LINGO3: variants seen among roughly 807,000 people sequenced by gnomAD.
The protein encoded by LINGO3 is leucine rich repeat and Ig domain containing 3.
For synonymous variants in LINGO3, 427 were observed against 444.2 expected (o/e 0.96, Z 0.49); for missense variants, 750 against 867.7 (o/e 0.86, Z 1.70).
At chr19:2,291,816 T>C in exon 1 of LINGO3, 3 of 1,449,240 alleles carry the variant, frequency 2.1e-6, no homozygotes, top group Non-Finnish European at 1.8e-6. Context: ...ACCATCCTCC[T>C]GCGCACCTGC....
upstream of LINGO3, among the ~76,000 whole-genome samples, chr19:2,293,225 T>C (rs912904237): frequency 2.7e-5 from 4 of 150,786 alleles, no homozygotes; most frequent in African/African-American, 9.8e-5. Context: ...CCACCACGCC[T>C]GGCTAATTTT....
the LINGO3 span, among the ~76,000 whole-genome samples, chr19:2,299,087 A>G: frequency 6.6e-6 from 1 of 152,150 alleles, no homozygotes; most frequent in Non-Finnish European, 1.5e-5. Flanking sequence ...CTCTGGCTCT[A>G]TAATTACTCC....
At chr19:2,291,909 C>T (rs1483146963) in exon 1 of LINGO3, 3 of 757,140 alleles carry the variant, frequency 4.0e-6, no homozygotes, top group Non-Finnish European at 6.6e-6. Flanking sequence ...TAACCCGTCC[C>T]AGCACGGCGG....
the LINGO3 span, among the ~76,000 whole-genome samples, chr19:2,300,021 CTCTTT>C: frequency 1.7e-5 from 2 of 116,294 alleles, no homozygotes; most frequent in Non-Finnish European, 3.9e-5. Flanking sequence ...CATGCCTGGC[CTCTTT>C]TTTTTTTTTT....
chr19:2,289,881 A>C, exon 1 of LINGO3: 3 of 815,444 alleles, frequency 3.7e-6, no homozygotes, highest in Non-Finnish European at 5.7e-6. Flanking sequence ...AAAAAGGGGA[A>C]GTTCTGCCTG....
chr19:2,291,217 G>A (rs1435591067), exon 1 of LINGO3: 1 of 1,610,938 alleles, frequency 6.2e-7, no homozygotes, highest in South Asian at 1.1e-5. Flanking sequence ...GGACAGAGCC[G>A]TGAGGTTGCA....
chr19:2,289,487 G>A (rs118112990), downstream of LINGO3, among the ~76,000 whole-genome samples: 1,726 of 152,232 alleles, frequency 0.011, 23 homozygotes, highest in Non-Finnish European at 0.019. Flanking sequence ...AGGACGGCCA[G>A]GTGTGAGCAA....
rs201895707 is a variant in LINGO3, at chr19:2,291,433, T to G, written c.344A>C (p.Lys115Thr). The G allele has an allele frequency of 3.5e-5, 57 of 1,613,216 alleles. No individual in the cohort carries two copies. The highest frequency in any genetic ancestry group is 2.7e-4 in the African/African-American group (20 of 75,002). ...CGTGAAGACCCCGGGCGGGATGAGC[T>G]TCAGCTGGTTGCCACGGAGACGCAG... The change falls in exon 1 of 1, where the codon AAG (lysine) becomes ACG (threonine). Residue 115 changes from lysine (K) to threonine (T), a missense_variant. Lys to Thr is a moderately conservative substitution (Grantham distance 78, BLOSUM62 -1). Transcript: ENST00000585527.
At chr19:2,303,297 C>T in the LINGO3 span, among the ~76,000 whole-genome samples, 1 of 152,094 alleles carries the variant, frequency 6.6e-6, no homozygotes, top group African/African-American at 2.4e-5. Context: ...ATCGTGCAGC[C>T]CAGCTAATGA....
downstream of LINGO3, among the ~76,000 whole-genome samples, chr19:2,287,860 C>A (rs374391751): frequency 2.6e-5 from 4 of 152,170 alleles, no homozygotes; most frequent in East Asian, 5.8e-4. The surrounding 1 kb of genome is among the most constrained non-coding windows in gnomAD (Gnocchi z 4.5). Context: ...GCCCTTCCCG[C>A]AAAGTCCTGG....
the LINGO3 span, among the ~76,000 whole-genome samples, chr19:2,308,031 G>C: frequency 1.3e-5 from 2 of 151,336 alleles, no homozygotes; most frequent in African/African-American, 4.8e-5. Context: ...GGGGTCCCCA[G>C]GTCTGCGGGC....
At chr19:2,291,393 G>A in exon 1 of LINGO3, 1 of 1,613,516 alleles carries the variant, frequency 6.2e-7, no homozygotes, top group Non-Finnish European at 8.5e-7. Flanking sequence ...CCAGCAGCGT[G>A]AGGTTGTCCA....
At chr19:2,305,782 G>A in the LINGO3 span, among the ~76,000 whole-genome samples, 4 of 152,308 alleles carry the variant, frequency 2.6e-5, no homozygotes, top group South Asian at 8.3e-4. Context: ...AGGGGAGTGT[G>A]CTCTGGATGC....
upstream of LINGO3, among the ~76,000 whole-genome samples, chr19:2,292,874 A>C (rs974900563): frequency 1.3e-5 from 2 of 152,134 alleles, no homozygotes; most frequent in Non-Finnish European, 1.5e-5. Flanking sequence ...TGTAACAGCC[A>C]AACAGTGGAA....
At chr19:2,291,965 T>A (rs769610095) in exon 1 of LINGO3, 1 of 613,940 alleles carries the variant, frequency 1.6e-6, no homozygotes, top group South Asian at 1.5e-5. Flanking sequence ...GATGGAAGAA[T>A]TGCTTGAGTT....
At chr19:2,296,500 T>A (rs896124403), upstream of LINGO3, among the ~76,000 whole-genome samples, 4 of 151,660 alleles carry the variant, frequency 2.6e-5, no homozygotes, top group Non-Finnish European at 5.9e-5. Context: ...TTTTTTTGAG[T>A]TAGGGTCTCA....
chr19:2,293,292 C>T (rs1315504357), upstream of LINGO3, among the ~76,000 whole-genome samples: 1 of 151,682 alleles, frequency 6.6e-6, no homozygotes, highest in Admixed American at 6.6e-5. Flanking sequence ...TCTCGATCTC[C>T]TGACCTCGTG....
In LINGO3 at chr19:2,290,838, G is replaced by A. The variant is rs767224624; in HGVS notation, c.939C>T (p.Ala313=). 6.2e-7 allele frequency: 1 copy of A among 1,611,982 alleles called. No homozygotes were observed. Among genetic ancestry groups the A allele is most frequent in the East Asian group, 2.2e-5 (1 of 44,852 alleles). ...GGCGGATCTGGCGCAGGCCCAGGAA[G>A]GCCTGCGGCTCCACCACAGCCAGCA... Residue 313 remains alanine, a synonymous_variant, in exon 1 of 1, where the codon GCC becomes GCT. Coordinates refer to ENST00000585527, the Ensembl canonical transcript of LINGO3. This position sits in a 1 kb window ranked among gnomAD's most constrained non-coding sequence, Gnocchi z 6.0.
chr19:2,296,386 G>A (rs1025372694), upstream of LINGO3, among the ~76,000 whole-genome samples: 5 of 152,138 alleles, frequency 3.3e-5, no homozygotes, highest in Non-Finnish European at 5.9e-5. Context: ...AGGCCAAGGC[G>A]GGGGGATCAC....
Sources: gnomAD v4.1 joint callset for allele counts (sites outside exome capture counted in the v4.1 genomes callset) on GRCh38, gnomAD v4.1.1 for gene constraint, Gnocchi (gnomAD v3.1) non-coding constraint, MANE v1.5 for transcripts, NCBI Gene and HGNC (gene_info 2026-07-23, HGNC 2026-07-21) for gene names.